Variants in SIRT3 observed in about 807,000 individuals in gnomAD.
SIRT3 encodes sirtuin 3.
SIRT3 carries 26 observed loss-of-function variants against 33.5 expected under a neutral mutation model. That is an observed-to-expected ratio of 0.78 (90% CI 0.57 to 1.08). The LOEUF (loss-of-function observed/expected upper bound fraction) is 1.08, where lower values mean the gene tolerates loss of function less well. Among genes scored for constraint, SIRT3 ranks in the 50% least tolerant of loss-of-function variants. The pLI, the probability that SIRT3 is intolerant of heterozygous loss-of-function variation, is 0.00. For missense variants in SIRT3, 585 were observed against 530.1 expected (o/e 1.10, Z -1.02); for synonymous variants, 237 against 222.1 (o/e 1.07, Z -0.60).
chr11:223,616 ACCC>A lies in SIRT3; in HGVS notation c.969+459_969+461del. On this transcript the variant is annotated intron_variant, in intron 5 of 6. Transcript: ENST00000382743. The surrounding 1 kb of genome is among the most constrained non-coding windows in gnomAD (Gnocchi z 4.8). The stretch of plus-strand genomic sequence containing the variant: ...CCCTGCCCCTCCACCTCGCCCCCAC[ACCC>A]CCATCCTTCTCCCTTCTCCTCACAC... 1 of 288,894 alleles carries A rather than the reference ACCC, an allele frequency of 3.5e-6. No individual in the cohort carries two copies. The highest frequency in any genetic ancestry group is 6.7e-6 in the Non-Finnish European group (1 of 149,190). 17.9% of individuals were successfully genotyped at this position (288,894 alleles called of 1,614,324 possible).
intron 4 of SIRT3, among the ~76,000 whole-genome samples, chr11:227,494 A>G (rs1857339124): frequency 6.6e-6 from 1 of 152,194 alleles, no homozygotes; most frequent in African/African-American, 2.4e-5. Context: ...GAGAACAGAT[A>G]GCAACAGTTT....
Position 216,654 on chromosome 11 carries a change from A to T in SIRT3, c.*44T>A. 6.2e-7 allele frequency: 1 copy of T among 1,611,352 alleles called. No homozygotes were observed. The highest frequency in any genetic ancestry group is 8.5e-7 in the Non-Finnish European group (1 of 1,177,726). On this transcript the variant is annotated 3_prime_UTR_variant, in exon 7 of 7. Coordinates refer to ENST00000382743, the MANE Select transcript of SIRT3 (RefSeq NM_012239.6). ...AGGTCTTGTCAGAATTGGGATGTGG[A>T]TGTCTCCTATGTTACCATTTATTGT...
chr11:226,911 G>A (rs991943054), intron 4 of SIRT3, among the ~76,000 whole-genome samples: 29 of 150,038 alleles, frequency 1.9e-4, no homozygotes, highest in African/African-American at 3.9e-4. Flanking sequence ...GCACCATCAC[G>A]CCCGGCTAAT....
In SIRT3 at chr11:223,668, C is replaced by A; in HGVS notation, c.969+410G>T. 3 of 550,186 alleles carry A rather than the reference C, an allele frequency of 5.5e-6. No individual in the cohort carries two copies. The highest frequency in any genetic ancestry group is 1.7e-5 in the South Asian group (1 of 59,830). The allele number at this position is 550,186 out of a possible 1,614,324, so 34.1% of individuals were successfully genotyped here. On this transcript the variant is annotated intron_variant, in intron 5 of 6. Transcript: ENST00000382743. The surrounding 1 kb of genome is among the most constrained non-coding windows in gnomAD (Gnocchi z 4.8). Reference sequence around the variant, plus strand: ...ACGTGGTGCCCCACCCACACCTATACCACCTCCAAAGCCCAGCAGCTTCCC... The same window carrying A: ...ACGTGGTGCCCCACCCACACCTATAACACCTCCAAAGCCCAGCAGCTTCCC...
chr11:218,500 G>A (rs1855959584), intron 6 of SIRT3, among the ~76,000 whole-genome samples: 1 of 152,188 alleles, frequency 6.6e-6, no homozygotes, highest in Admixed American at 6.5e-5. Flanking sequence ...TATCATCTTA[G>A]AATCACATAC....
At chr11:222,280 C>G (rs1295633300) in intron 5 of SIRT3, 2 of 154,010 alleles carry the variant, frequency 1.3e-5, no homozygotes, top group African/African-American at 4.8e-5. Flanking sequence ...TTCCTGGACT[C>G]CAGACTCATG....
At chr11:226,940 AT>A (rs1255800842) in intron 4 of SIRT3, among the ~76,000 whole-genome samples, 1 of 150,526 alleles carries the variant, frequency 6.6e-6, no homozygotes, top group African/African-American at 2.4e-5. Flanking sequence ...TTTAGTAGAT[AT>A]GGGGTTTCTC....
rs1457505150 is a variant in SIRT3 at position 215,901 on chromosome 11, G to A, written c.*797C>T. The A allele has an allele frequency of 2.0e-5, 3 of 152,284 alleles. No individual in the cohort carries two copies. The highest frequency in any genetic ancestry group is 4.4e-5 in the Non-Finnish European group (3 of 68,154). The allele number at this position is 152,284 out of a possible 1,614,324, so 9.4% of individuals were successfully genotyped here. ...GAGGAAGCCCTGGCGAGGGTGGGGG[G>A]GCGTAGTGTGGGGACAAGGAGGCCA... On this transcript the variant is annotated 3_prime_UTR_variant, in exon 7 of 7. Coordinates refer to ENST00000382743, the MANE Select transcript of SIRT3 (RefSeq NM_012239.6).
intron 3 of SIRT3, among the ~76,000 whole-genome samples, chr11:232,063 G>C (rs1028589534): frequency 1.3e-5 from 2 of 151,962 alleles, no homozygotes; most frequent in East Asian, 3.8e-4. Flanking sequence ...GGAATTACTA[G>C]TGATTCTTCA....
At chr11:226,761 T>A (rs867375162) in intron 4 of SIRT3, among the ~76,000 whole-genome samples, 6,400 of 150,500 alleles carry the variant, frequency 0.043, 232 homozygotes, top group African/African-American at 0.086. Flanking sequence ...ATTATTATTT[T>A]TTTTTTTTTG....
chr11:226,494 T>C (rs1487063140), intron 4 of SIRT3, among the ~76,000 whole-genome samples: 4 of 151,792 alleles, frequency 2.6e-5, no homozygotes, highest in Non-Finnish European at 4.4e-5. Context: ...CTACAACTTC[T>C]GCCTCCTGGG....
At chr11:234,860 G>A (rs984855008) in intron 1 of SIRT3, among the ~76,000 whole-genome samples, 4 of 152,034 alleles carry the variant, frequency 2.6e-5, no homozygotes, top group Admixed American at 1.3e-4. Flanking sequence ...CTTCTTGGAT[G>A]AACGACTGAC....
rs757902572 is a variant in SIRT3 at position 224,114 on chromosome 11, C to T, written c.933G>A (p.Met311Ile). 1.2e-6 allele frequency: 2 copies of T among 1,614,220 alleles called. No individual in the cohort carries two copies. The highest frequency in any genetic ancestry group is 2.7e-5 in the African/African-American group (2 of 75,042). Residue 311 changes from methionine (M) to isoleucine (I), a missense_variant, in exon 5 of 7, where the codon ATG (methionine) becomes ATA (isoleucine). By Grantham distance (10) the Met-to-Ile change is conservative (BLOSUM62 1). Transcript: ENST00000382743. ...TCCCAAGGATGAGCAGCAGATCTGCCATGGGGAAATCAACCACATGCAGCA... is the reference window on the plus strand; with the variant it reads ...TCCCAAGGATGAGCAGCAGATCTGCTATGGGGAAATCAACCACATGCAGCA... ...RFLLHVVDFP[M>I]ADLLLILGTS...
Position 217,018 on chromosome 11 carries a change from G to A in SIRT3, c.1180-300C>T, listed in dbSNP as rs764263916. Among the ~76,000 whole-genome samples the A allele has an allele frequency of 6.3e-4, 96 of 152,196 alleles. 1 individual carries two copies. The highest frequency in any genetic ancestry group is 1.2e-3 in the Non-Finnish European group (80 of 68,038). On this transcript the variant is annotated intron_variant, in intron 6 of 6. Coordinates refer to ENST00000382743, the MANE Select transcript of SIRT3 (RefSeq NM_012239.6). ...GAAAAGTAACCCCTTGGATAGTAAT[G>A]CTGTAAAAAACAGAAAATGAAATCA...
intron 4 of SIRT3, among the ~76,000 whole-genome samples, chr11:227,031 C>T (rs1008001202): frequency 6.6e-6 from 1 of 151,562 alleles, no homozygotes; most frequent in Non-Finnish European, 1.5e-5. Context: ...GGATTACGGG[C>T]GTGAGCCACC....
At chr11:228,515 C>T (rs893050274) in intron 4 of SIRT3, among the ~76,000 whole-genome samples, 5 of 152,150 alleles carry the variant, frequency 3.3e-5, no homozygotes, top group Non-Finnish European at 7.4e-5. Flanking sequence ...ATGCCAAGAC[C>T]ACAGTTTTTT....
Position 224,235 on chromosome 11 carries a change from T to C in SIRT3, c.812A>G (p.Asp271Gly). 6.2e-7 allele frequency: 1 copy of C among 1,613,898 alleles called. No individual in the cohort carries two copies. The highest frequency in any genetic ancestry group is 8.5e-7 in the Non-Finnish European group (1 of 1,179,946). The change falls in exon 5 of 7, where the codon GAC becomes GGC. Residue 271 changes from aspartate (D) to glycine (G), a missense_variant. Coordinates refer to ENST00000382743, the MANE Select transcript of SIRT3 (RefSeq NM_012239.6). ...RPFPGEDIRADVMADRVPRCP... is the reference protein window; with the variant it reads ...RPFPGEDIRAGVMADRVPRCP... ...GCGGGGAACCCTGTCTGCCATCACG[T>C]CAGCCTGGAAAACAGAGAAAACAGG...
chr11:231,870 G>GCCAAGAGACTGCT (rs148370769), intron 3 of SIRT3, among the ~76,000 whole-genome samples: 1 of 150,746 alleles, frequency 6.6e-6, no homozygotes, highest in Admixed American at 6.6e-5. Context: ...CTCTCCGGGA[G>GCCAAGAGACTGCT]CCTGGCTCCC....
intron 4 of SIRT3, among the ~76,000 whole-genome samples, chr11:226,600 G>A (rs1219965787): frequency 6.6e-6 from 1 of 151,568 alleles, no homozygotes; most frequent in Admixed American, 6.6e-5. Flanking sequence ...GTAGAGACGG[G>A]GTTTCACCAT....
Sources: allele counts gnomAD v4.1 joint callset (sites outside exome capture counted in the v4.1 genomes callset), GRCh38; gene constraint gnomAD v4.1.1; non-coding constraint Gnocchi (gnomAD v3.1); transcripts MANE v1.5; gene names NCBI Gene and HGNC (gene_info 2026-07-23, HGNC 2026-07-21).